The following DMRT1 variants were observed in gnomAD, a reference collection of about 807,000 sequenced individuals.
DMRT1 encodes doublesex and mab-3 related transcription factor 1.
DMRT1 carries 7 observed loss-of-function variants against 32.3 expected under a neutral mutation model. The ratio of observed to expected loss-of-function variants is 0.22; its 90% CI spans 0.12 to 0.41. The LOEUF is 0.41. Among genes scored for constraint, DMRT1 ranks in the 10% least tolerant of loss-of-function variants. The pLI, the probability that DMRT1 is intolerant of heterozygous loss-of-function variation, is 1.00. For missense variants in DMRT1, 625 were observed against 500.5 expected (o/e 1.25, Z -2.37); for synonymous variants, 278 against 206.1 (o/e 1.35, Z -2.99).
chr9:949,886 A>G (rs1293453451), intron 4 of DMRT1, among the ~76,000 whole-genome samples: 1 of 152,120 alleles, frequency 6.6e-6, no homozygotes, highest in Non-Finnish European at 1.5e-5. Context: ...AAATGGTAAG[A>G]TTTCCTTCTT....
intron 4 of DMRT1, among the ~76,000 whole-genome samples, chr9:946,320 A>G (rs1430098179): frequency 6.6e-6 from 1 of 152,066 alleles, no homozygotes; most frequent in Non-Finnish European, 1.5e-5. Flanking sequence ...GTATTATCCA[A>G]CATGTACATT....
intron 4 of DMRT1, among the ~76,000 whole-genome samples, chr9:921,590 C>T (rs997177927): frequency 6.6e-6 from 1 of 152,112 alleles, no homozygotes; most frequent in Admixed American, 6.6e-5. Flanking sequence ...GCAGCTGCAT[C>T]GTTTTATATT....
chr9:953,634 G>A (rs1289307098), intron 4 of DMRT1, among the ~76,000 whole-genome samples: 1 of 152,132 alleles, frequency 6.6e-6, no homozygotes, highest in African/African-American at 2.4e-5. Flanking sequence ...TGCTGCTTAA[G>A]CTGCTTCTTA....
intron 2 of DMRT1, among the ~76,000 whole-genome samples, chr9:877,583 C>G (rs1227632861): frequency 6.6e-6 from 1 of 152,196 alleles, no homozygotes; most frequent in Non-Finnish European, 1.5e-5. Context: ...ATTTCAGTCA[C>G]TAATTTGAAC....
intron 3 of DMRT1, among the ~76,000 whole-genome samples, chr9:901,788 C>T (rs1564237262): frequency 6.6e-6 from 1 of 151,928 alleles, no homozygotes; most frequent in Non-Finnish European, 1.5e-5. Context: ...TACGAACCTG[C>T]CCTGGGCCCT....
chr9:870,709 C>CTTTTTTTTTTTTTTTTTTTTTTTTTT lies in DMRT1; in HGVS notation c.539-23183_539-23182insTTTTTTTTTTTTTTTTTTTTTTTTTT, dbSNP rs58893896. Among the ~76,000 whole-genome samples the CTTTTTTTTTTTTTTTTTTTTTTTTTT allele has an allele frequency of 6.2e-4, 43 of 69,560 alleles. 12 individuals carry two copies. The highest frequency in any genetic ancestry group is 2.2e-3 in the African/African-American group (34 of 15,232). The allele number at this position is 69,560 out of a possible 152,430, so 45.6% of individuals were successfully genotyped here. A position where few individuals can be genotyped will look rare whatever the true frequency, so the allele number is the denominator to read the frequency against. On this transcript the variant is annotated intron_variant, in intron 2 of 4. Transcript: ENST00000382276. ...GTTCCCATATTTCTCATTTTCTTGACTTTTTTTTTTTTTTTTTTTTGAGAC... is the reference window on the plus strand; with the variant it reads ...GTTCCCATATTTCTCATTTTCTTGACTTTTTTTTTTTTTTTTTTTTTTTTTTTTTTTTTTTTTTTTTTTTTTGAGAC...
chr9:877,824 T>C (rs1253786302), intron 2 of DMRT1, among the ~76,000 whole-genome samples: 2 of 152,004 alleles, frequency 1.3e-5, no homozygotes, highest in African/African-American at 4.8e-5. Flanking sequence ...TTTTCCTTTA[T>C]TTTAGGGAAG....
intron 2 of DMRT1, among the ~76,000 whole-genome samples, chr9:853,240 C>A (rs6477308): frequency 1.3e-5 from 2 of 151,856 alleles, no homozygotes; most frequent in East Asian, 1.9e-4. Context: ...TGAACTTACA[C>A]TGATGCATCA....
At chr9:957,926 C>A (rs76015120) in intron 4 of DMRT1, among the ~76,000 whole-genome samples, 10,193 of 152,232 alleles carry the variant, frequency 0.067, 673 homozygotes, top group East Asian at 0.19. Flanking sequence ...ATGAGAATCA[C>A]CTGAACCCGC....
intron 3 of DMRT1, among the ~76,000 whole-genome samples, chr9:911,127 G>C (rs575892312): frequency 6.6e-6 from 1 of 152,024 alleles, no homozygotes; most frequent in African/African-American, 2.4e-5. Context: ...TCAGGCCTTG[G>C]GTTGGTTAAT....
chr9:842,072 C>G lies in DMRT1; in HGVS notation c.234C>G (p.Arg78=). The change falls in exon 1 of 5, where the codon CGC becomes CGG. Residue 78 remains arginine, a synonymous_variant. Transcript: ENST00000382276. Reference sequence around the variant, plus strand: ...CCCCGCGGCTGCCCAAGTGCGCACGCTGCAGGAACCACGGCTACGCCTCGC... The same window carrying G: ...CCCCGCGGCTGCCCAAGTGCGCACGGTGCAGGAACCACGGCTACGCCTCGC... ...KKSPRLPKCA[R]CRNHGYASPL... is the part of the protein sequence containing the mutation. 1 of 1,545,828 alleles carries G rather than the reference C, an allele frequency of 6.5e-7. No individual in the cohort carries two copies. Among genetic ancestry groups the G allele is most frequent in the Non-Finnish European group, 8.7e-7 (1 of 1,149,288 alleles).
intron 4 of DMRT1, among the ~76,000 whole-genome samples, chr9:967,109 G>GGA (rs1819953822): frequency 6.6e-6 from 1 of 152,188 alleles, no homozygotes; most frequent in Non-Finnish European, 1.5e-5. Context: ...AAGTTAATGA[G>GGA]GAGAGAAATT....
intron 3 of DMRT1, among the ~76,000 whole-genome samples, chr9:902,733 C>T (rs1267058995): frequency 6.6e-6 from 1 of 152,050 alleles, no homozygotes; most frequent in Non-Finnish European, 1.5e-5. Flanking sequence ...GAGTGATCCG[C>T]CCACCTCAGC....
At chr9:881,262 T>C (rs1186805707) in intron 2 of DMRT1, among the ~76,000 whole-genome samples, 1 of 152,216 alleles carries the variant, frequency 6.6e-6, no homozygotes, top group Non-Finnish European at 1.5e-5. Context: ...ACAAGACAAA[T>C]GCCTGATTGA....
At chr9:902,581 C>T (rs187646799) in intron 3 of DMRT1, among the ~76,000 whole-genome samples, 5 of 151,518 alleles carry the variant, frequency 3.3e-5, no homozygotes, top group African/African-American at 1.2e-4. Flanking sequence ...CTCTGCCTCC[C>T]GGGTTCAAGC....
At chr9:872,187 G>T (rs368190449) in intron 2 of DMRT1, among the ~76,000 whole-genome samples, 4 of 150,780 alleles carry the variant, frequency 2.7e-5, no homozygotes, top group Admixed American at 6.6e-5. Context: ...TGAGCCTCCC[G>T]AGTAGCTGGG....
chr9:911,481 T>G (rs1156588566), intron 3 of DMRT1, among the ~76,000 whole-genome samples: 4 of 62,882 alleles, frequency 6.4e-5, no homozygotes, highest in East Asian at 3.0e-4. Flanking sequence ...TTTTTTTTTT[T>G]TTTTTTTTTT....
intron 4 of DMRT1, among the ~76,000 whole-genome samples, chr9:953,300 CT>C (rs1819489910): frequency 6.6e-6 from 1 of 151,912 alleles, no homozygotes; most frequent in African/African-American, 2.4e-5. Context: ...GTCTGTGTAT[CT>C]TTTTGGTCTT....
At chr9:946,266 GCACC>G (rs1305249212) in intron 4 of DMRT1, among the ~76,000 whole-genome samples, 2 of 151,984 alleles carry the variant, frequency 1.3e-5, no homozygotes, top group Admixed American at 1.3e-4. Context: ...AAGACTGGCT[GCACC>G]TGGTTACAAT....
Sources: allele counts gnomAD v4.1 joint callset (sites outside exome capture counted in the v4.1 genomes callset), GRCh38; gene constraint gnomAD v4.1.1; transcripts MANE v1.5; gene names NCBI Gene and HGNC (gene_info 2026-07-23, HGNC 2026-07-21).